GLIS3: variants seen among roughly 807,000 people sequenced by gnomAD.
GLIS3 encodes GLIS family zinc finger 3.
Under a neutral mutation model 78.6 loss-of-function variants are expected in GLIS3, and 53 were observed. The observed-to-expected ratio is 0.67, with a 90% CI of 0.54 to 0.85. GLIS3 has a LOEUF of 0.85. GLIS3 is among the 40% of genes least tolerant of loss of function. GLIS3 has a pLI of 0.00. For missense variants in GLIS3, 1,703 were observed against 1,231.1 expected, an observed-to-expected ratio of 1.38 and a Z score of -5.74; for synonymous variants, 684 against 509.9, an observed-to-expected ratio of 1.34 and a Z score of -4.60.
chr9:4,352,245 G>C (rs1014780480), upstream of GLIS3, among the ~76,000 whole-genome samples: 1 of 152,206 alleles, frequency 6.6e-6, no homozygotes, highest in African/African-American at 2.4e-5. Flanking sequence ...TGTTCTCTTT[G>C]GGGAGGCTAA....
chr9:4,096,374 T>C (rs1829949753), intron 4 of GLIS3, among the ~76,000 whole-genome samples: 1 of 152,350 alleles, frequency 6.6e-6, no homozygotes, highest in Non-Finnish European at 1.5e-5. Context: ...GAAAGGTCAT[T>C]TGTATTGTTA....
At chr9:4,250,625 G>A (rs1240463664) in intron 2 of GLIS3, among the ~76,000 whole-genome samples, 1 of 152,066 alleles carries the variant, frequency 6.6e-6, no homozygotes, top group Non-Finnish European at 1.5e-5. Flanking sequence ...GTTCTGCTCT[G>A]ATCTTAGTTA....
intron 4 of GLIS3, among the ~76,000 whole-genome samples, chr9:3,986,361 G>C (rs1173778698): frequency 6.6e-6 from 1 of 152,078 alleles, no homozygotes; most frequent in Non-Finnish European, 1.5e-5. Flanking sequence ...TCTAAATATG[G>C]ACTGAAGCTT....
At chr9:4,430,772 G>A in the GLIS3 span, among the ~76,000 whole-genome samples, 3 of 152,162 alleles carry the variant, frequency 2.0e-5, no homozygotes, top group Non-Finnish European at 2.9e-5. Flanking sequence ...AAGATAAGCA[G>A]ATAAATGCTG....
chr9:4,294,483 T>C (rs866188678), intron 1 of GLIS3, among the ~76,000 whole-genome samples: 1 of 151,418 alleles, frequency 6.6e-6, no homozygotes, highest in Non-Finnish European at 1.5e-5. Flanking sequence ...CTTTCCAGCC[T>C]GGGCAGCAAG....
At chr9:4,449,387 G>A in the GLIS3 span, among the ~76,000 whole-genome samples, 10 of 152,334 alleles carry the variant, frequency 6.6e-5, no homozygotes, top group South Asian at 2.1e-3. Context: ...CACCTCTGGT[G>A]GCAGGGCATA....
At chr9:4,297,524 C>A (rs905416518) in intron 1 of GLIS3, among the ~76,000 whole-genome samples, 3 of 152,178 alleles carry the variant, frequency 2.0e-5, no homozygotes, top group Non-Finnish European at 4.4e-5. Context: ...CCCTGGGGCC[C>A]CAACTCTCGG....
At chr9:4,142,622 C>A (rs966108584) in intron 2 of GLIS3, among the ~76,000 whole-genome samples, 1 of 152,120 alleles carries the variant, frequency 6.6e-6, no homozygotes, top group Admixed American at 6.5e-5. Context: ...GGAATACAAA[C>A]CTTGAAACAA....
intron 7 of GLIS3, among the ~76,000 whole-genome samples, chr9:3,880,595 TA>T (rs1821661624): frequency 6.6e-6 from 1 of 152,156 alleles, no homozygotes; most frequent in South Asian, 2.1e-4. Context: ...ATGGATTTTT[TA>T]AAAAAATAAA....
chr9:3,993,756 A>AC (rs755469552), intron 4 of GLIS3, among the ~76,000 whole-genome samples: 35 of 152,374 alleles, frequency 2.3e-4, no homozygotes, highest in South Asian at 1.4e-3. Flanking sequence ...AAATGGCTAT[A>AC]CCATAATTCA....
At chr9:4,257,529 T>C (rs145922894) in intron 2 of GLIS3, among the ~76,000 whole-genome samples, 25 of 152,232 alleles carry the variant, frequency 1.6e-4, no homozygotes, top group South Asian at 1.2e-3. Flanking sequence ...TATAAGATGA[T>C]AGACATGTTA....
At chr9:4,476,625 T>C in the GLIS3 span, among the ~76,000 whole-genome samples, 2 of 152,056 alleles carry the variant, frequency 1.3e-5, no homozygotes, top group Admixed American at 6.6e-5. Context: ...GCCTCCCTAA[T>C]TGCTGGGATT....
At chr9:4,295,436 T>C (rs145088457) in intron 1 of GLIS3, among the ~76,000 whole-genome samples, 1 of 152,226 alleles carries the variant, frequency 6.6e-6, no homozygotes, top group East Asian at 1.9e-4. Flanking sequence ...CAAGCCAGAC[T>C]GTTTCCATCA....
At chr9:4,052,035 C>G (rs939597353) in intron 4 of GLIS3, among the ~76,000 whole-genome samples, 1 of 152,144 alleles carries the variant, frequency 6.6e-6, no homozygotes, top group Non-Finnish European at 1.5e-5. Context: ...TAAAACACAT[C>G]CTGTTCACTT....
chr9:4,251,245 C>G (rs898952226), intron 2 of GLIS3, among the ~76,000 whole-genome samples: 18 of 152,148 alleles, frequency 1.2e-4, no homozygotes, highest in African/African-American at 4.3e-4. Flanking sequence ...GACTCTACGT[C>G]TCTTTGTAGG....
At chr9:4,345,264 C>G (rs539954793) in intron 2 of GLIS3, among the ~76,000 whole-genome samples, 1 of 152,322 alleles carries the variant, frequency 6.6e-6, no homozygotes, top group Non-Finnish European at 1.5e-5. Context: ...AGCCAGTTTT[C>G]TCACCTACGT....
At chr9:3,961,502 C>A (rs1342216256) in intron 4 of GLIS3, among the ~76,000 whole-genome samples, 11 of 152,166 alleles carry the variant, frequency 7.2e-5, no homozygotes, top group African/African-American at 2.7e-4. Context: ...GTAAGCCAGT[C>A]AGAATAACAT....
chr9:3,856,481 G>A (rs1023131627), intron 8 of GLIS3, among the ~76,000 whole-genome samples: 2 of 152,142 alleles, frequency 1.3e-5, no homozygotes, highest in Admixed American at 1.3e-4. Flanking sequence ...ACTATGTTTG[G>A]TGAAATTCAA....
intron 1 of GLIS3, among the ~76,000 whole-genome samples, chr9:4,296,277 A>T (rs1816496092): frequency 6.7e-6 from 1 of 149,572 alleles, no homozygotes. Flanking sequence ...TACTAGCAGG[A>T]AAGAACAGTC....
Sources: gnomAD v4.1 joint callset for allele counts (sites outside exome capture counted in the v4.1 genomes callset) on GRCh38, gnomAD v4.1.1 for gene constraint, MANE v1.5 for transcripts, NCBI Gene and HGNC (gene_info 2026-07-23, HGNC 2026-07-21) for gene names.